The following HPCAL1 variants were observed in gnomAD, a reference collection of about 807,000 sequenced individuals.
HPCAL1 encodes the protein hippocalcin-like protein 1.
HPCAL1 carries 8 observed loss-of-function variants against 17.1 expected under a neutral mutation model. The ratio of observed to expected loss-of-function variants is 0.47; its 90% CI spans 0.27 to 0.84. The LOEUF is 0.84. Ranked by LOEUF, HPCAL1 falls within the 40% of genes least tolerant of loss-of-function variation. The pLI, the probability that HPCAL1 is intolerant of heterozygous loss-of-function variation, is 0.13. For synonymous variants in HPCAL1, 112 were observed against 111.4 expected (o/e 1.01, Z -0.03); for missense variants, 165 against 271.1 (o/e 0.61, Z 2.75).
rs542044359 is a variant in HPCAL1 at position 10,426,467 on chromosome 2, C to T, written c.485-257C>T. 7 of 472,264 alleles carry T rather than the reference C, an allele frequency of 1.5e-5. No individual in the cohort carries two copies. In the South Asian group the frequency reaches 1.5e-4, roughly 10 times the overall value. The allele number at this position is 472,264 out of a possible 1,614,324, so 29.3% of individuals were successfully genotyped here. ...TTTCTAAAAGGATTTAAATGGCCCT[C>T]ATCAGCCACGTCCTGCTGAGCTTGC... On this transcript the variant is annotated intron_variant, in intron 4 of 4. Transcript: ENST00000307845.
Position 10,394,487 on chromosome 2 carries a change from A to G in HPCAL1, c.-110-2348A>G, listed in dbSNP as rs996413044. ...CGATTTGAAAACGCCGTGAGAAAATATGGGGCAAGGCAGAGAGCACAGAGG... is the reference window on the plus strand; with the variant it reads ...CGATTTGAAAACGCCGTGAGAAAATGTGGGGCAAGGCAGAGAGCACAGAGG... On this transcript the variant is annotated intron_variant, in intron 1 of 4. Transcript: ENST00000307845. The surrounding 1 kb of genome is among the most constrained non-coding windows in gnomAD (Gnocchi z 5.0). 2.0e-5 allele frequency among the ~76,000 whole-genome samples: 3 copies of G among 152,218 alleles called. No individual in the cohort carries two copies. The highest frequency in any genetic ancestry group is 4.4e-5 in the Non-Finnish European group (3 of 68,040).
At chr2:10,329,444 G>A (rs1171066718) in intron 1 of HPCAL1, among the ~76,000 whole-genome samples, 1 of 152,172 alleles carries the variant, frequency 6.6e-6, no homozygotes, top group African/African-American at 2.4e-5. Flanking sequence ...AGAAGACGCA[G>A]AGATGAAACA....
At position 10,368,143 on chromosome 2, in the gene HPCAL1, C is replaced by T. The variant is rs1029526890; in HGVS notation, c.-110-28692C>T. Among the ~76,000 whole-genome samples, 7 of 150,324 alleles carry T rather than the reference C, an allele frequency of 4.7e-5. No homozygotes were observed. In the South Asian group the frequency reaches 6.3e-4, roughly 14 times the overall value. On this transcript the variant is annotated intron_variant, in intron 1 of 4. Coordinates refer to ENST00000307845, the MANE Select transcript of HPCAL1 (RefSeq NM_002149.4). Reference sequence around the variant, plus strand: ...GTATAGGTGTGTGCATGTGTGCACACGTGCATGTGTAGGTGTGTGTGTGCA... The same window carrying T: ...GTATAGGTGTGTGCATGTGTGCACATGTGCATGTGTAGGTGTGTGTGTGCA...
At chr2:10,337,381 A>T (rs955859939) in intron 1 of HPCAL1, among the ~76,000 whole-genome samples, 3 of 152,158 alleles carry the variant, frequency 2.0e-5, no homozygotes, top group Admixed American at 2.0e-4. Context: ...TTTAACTGTC[A>T]CTGCATTTGC....
rs1039887243 is a variant in HPCAL1, at chr2:10,354,383, T to C, written c.-110-42452T>C. 6.6e-6 allele frequency: 1 copy of C among 152,222 alleles called. No homozygotes were observed. Among genetic ancestry groups the C allele is most frequent in the Non-Finnish European group, 1.5e-5 (1 of 68,058 alleles). The allele number at this position is 152,222 out of a possible 1,614,324, so 9.4% of individuals were successfully genotyped here. A position where few individuals can be genotyped will look rare whatever the true frequency, so the allele number is the denominator to read the frequency against. ...AGGGCCTGCTATCTTCCCTGTACTG[T>C]AAGGGGACACTTTGCTCAACTGTTC... On this transcript the variant is annotated intron_variant, in intron 1 of 4. Transcript: ENST00000307845. This position sits in a 1 kb window ranked among gnomAD's most constrained non-coding sequence, Gnocchi z 5.1.
In HPCAL1 at chr2:10,363,757, C is replaced by T. The variant is rs1021506893; in HGVS notation, c.-110-33078C>T. ...GGCACGGCAAGGCTGGGGAGCCAGG[C>T]TTGTTTCGGATCTCCAGTCCTTGTG... On this transcript the variant is annotated intron_variant, in intron 1 of 4. Transcript: ENST00000307845. This position sits in a 1 kb window ranked among gnomAD's most constrained non-coding sequence, Gnocchi z 4.7. Among the ~76,000 whole-genome samples the T allele has an allele frequency of 6.6e-6, 1 of 152,228 alleles. No individual in the cohort carries two copies. The highest frequency in any genetic ancestry group is 6.5e-5 in the Admixed American group (1 of 15,286).
intron 1 of HPCAL1, among the ~76,000 whole-genome samples, chr2:10,351,109 T>G (rs927094675): frequency 2.6e-5 from 4 of 152,160 alleles, no homozygotes; most frequent in Admixed American, 6.5e-5. Flanking sequence ...CACATAAATG[T>G]TTACAGCAGC....
chr2:10,308,876 A>C (rs1261219304), intron 1 of HPCAL1, among the ~76,000 whole-genome samples: 1 of 152,228 alleles, frequency 6.6e-6, no homozygotes, highest in African/African-American at 2.4e-5. Flanking sequence ...ATGGCAAATC[A>C]AAAACAAAAA....
In HPCAL1 at chr2:10,423,096, G is replaced by A. The variant is rs780998438; in HGVS notation, c.484+8G>A. On this transcript the variant is annotated splice_region_variant and intron_variant, in intron 4 of 4. Transcript: ENST00000307845. ...TGGACACCAACAATGACGGTAGTGCGGGGTGGGGGCGGGGCTGCATGTGTA... is the reference window on the plus strand; with the variant it reads ...TGGACACCAACAATGACGGTAGTGCAGGGTGGGGGCGGGGCTGCATGTGTA... 2.2e-5 allele frequency: 35 copies of A among 1,596,832 alleles called. No homozygotes were observed. The highest frequency in any genetic ancestry group is 1.8e-4 in the South Asian group (16 of 90,732).
At chr2:10,376,961 TACC>T (rs1667608959) in intron 1 of HPCAL1, among the ~76,000 whole-genome samples, 2 of 150,500 alleles carry the variant, frequency 1.3e-5, no homozygotes, top group Admixed American at 6.6e-5. Flanking sequence ...GTACAATACA[TACC>T]GTATTGTATT....
intron 2 of HPCAL1, among the ~76,000 whole-genome samples, chr2:10,413,389 T>C (rs916238252): frequency 6.6e-6 from 1 of 152,248 alleles, no homozygotes; most frequent in Non-Finnish European, 1.5e-5. Context: ...CAGGTTCTTG[T>C]GCATGTGTGT....
intron 1 of HPCAL1, among the ~76,000 whole-genome samples, chr2:10,382,965 C>T (rs1668058478): frequency 6.6e-6 from 1 of 152,204 alleles, no homozygotes; most frequent in African/African-American, 2.4e-5. Context: ...CGCTTGTGCA[C>T]CACTCTCCAG....
At chr2:10,413,181 C>T (rs1178285859) in intron 2 of HPCAL1, among the ~76,000 whole-genome samples, 1 of 152,190 alleles carries the variant, frequency 6.6e-6, no homozygotes, top group Admixed American at 6.5e-5. Context: ...GTCCTTCCTC[C>T]TCCCCTGCCC....
At chr2:10,357,161 G>A (rs190806360) in intron 1 of HPCAL1, among the ~76,000 whole-genome samples, 57 of 152,218 alleles carry the variant, frequency 3.7e-4, no homozygotes, top group African/African-American at 1.2e-3. Flanking sequence ...GGAGCCTTCC[G>A]TTCCTCCTCA....
intron 1 of HPCAL1, among the ~76,000 whole-genome samples, chr2:10,378,223 GTTTTTT>G (rs58697364): frequency 9.4e-5 from 9 of 96,252 alleles, no homozygotes; most frequent in African/African-American, 2.5e-4. Flanking sequence ...GTGGTTTCAT[GTTTTTT>G]TTTTTTTTTT....
chr2:10,342,321 C>T lies in HPCAL1; in HGVS notation c.-111+39144C>T, dbSNP rs190614692. ...GGTGGGGACCCTGCCTCGCCCGCCT[C>T]CAGGGGCACACTGCATTCTTTGTGG... On this transcript the variant is annotated intron_variant, in intron 1 of 4. Coordinates refer to ENST00000307845, the MANE Select transcript of HPCAL1 (RefSeq NM_002149.4). The surrounding 1 kb of genome is among the most constrained non-coding windows in gnomAD (Gnocchi z 4.1). Among the ~76,000 whole-genome samples the T allele has an allele frequency of 6.6e-6, 1 of 152,330 alleles. No individual in the cohort carries two copies. Among genetic ancestry groups the T allele is most frequent in the African/African-American group, 2.4e-5 (1 of 41,580 alleles).
At chr2:10,402,375 G>C (rs753125153) in intron 2 of HPCAL1, among the ~76,000 whole-genome samples, 16 of 152,220 alleles carry the variant, frequency 1.1e-4, no homozygotes, top group Non-Finnish European at 2.9e-5. Flanking sequence ...GTGTGTATGG[G>C]TGGGTGCGTT....
chr2:10,367,652 C>T lies in HPCAL1; in HGVS notation c.-110-29183C>T, dbSNP rs915920386. 6.6e-6 allele frequency among the ~76,000 whole-genome samples: 1 copy of T among 152,162 alleles called. No individual in the cohort carries two copies. Among genetic ancestry groups the T allele is most frequent in the Non-Finnish European group, 1.5e-5 (1 of 68,018 alleles). On this transcript the variant is annotated intron_variant, in intron 1 of 4. Transcript: ENST00000307845. This position sits in a 1 kb window ranked among gnomAD's most constrained non-coding sequence, Gnocchi z 4.4. ...TTTATGCTTCCTTGCAAAAATTTGT[C>T]GAAAGTGCCAGAAAAGCCCTTGTCC...
At chr2:10,358,558 C>T (rs113910282) in intron 1 of HPCAL1, among the ~76,000 whole-genome samples, 120 of 152,274 alleles carry the variant, frequency 7.9e-4, no homozygotes, top group Non-Finnish European at 1.4e-3. Context: ...CACACAGAAG[C>T]GGCTGGACAT....
Sources: gnomAD v4.1 joint callset for allele counts (sites outside exome capture counted in the v4.1 genomes callset) on GRCh38, gnomAD v4.1.1 for gene constraint, Gnocchi (gnomAD v3.1) non-coding constraint, MANE v1.5 for transcripts, NCBI Gene and HGNC (gene_info 2026-07-23, HGNC 2026-07-21) for gene names.